The following ZC3HC1 variants were observed in gnomAD, a reference collection of about 807,000 sequenced individuals.
The protein encoded by ZC3HC1 is zinc finger C3HC-type containing 1.
In ZC3HC1, 38 loss-of-function variants were observed where a neutral mutation model predicts 61.9. That is an observed-to-expected ratio of 0.61 (90% CI 0.47 to 0.81). The LOEUF is 0.81. Among genes scored for constraint, ZC3HC1 ranks in the 30% least tolerant of loss-of-function variants. ZC3HC1 has a pLI of 0.00. For synonymous variants in ZC3HC1, 213 were observed against 229.9 expected, an observed-to-expected ratio of 0.93 and a Z score of 0.67; for missense variants, 554 against 622.7, an observed-to-expected ratio of 0.89 and a Z score of 1.17.
rs1159128983 is a variant in ZC3HC1 at position 130,022,542 on chromosome 7, A to C, written c.1234-17T>G. ...AGATGTGTCCTGAGGAAGGAGAAAA[A>C]GAAATAGCATTCATAGGTAGATGCT... is the stretch of plus-strand genomic sequence containing the variant. On this transcript the variant is annotated splice_polypyrimidine_tract_variant and intron_variant, in intron 8 of 9. Coordinates refer to ENST00000358303, the MANE Select transcript of ZC3HC1 (RefSeq NM_016478.5). 6.2e-7 allele frequency: 1 copy of C among 1,613,682 alleles called. No individual in the cohort carries two copies. The highest frequency in any genetic ancestry group is 8.5e-7 in the Non-Finnish European group (1 of 1,179,786).
intron 2 of ZC3HC1, chr7:130,045,412 C>CCTTTCACAGAGCTACCCATCAG (rs1387016479): frequency 1.1e-5 from 5 of 450,512 alleles, no homozygotes; most frequent in African/African-American, 6.0e-5. Flanking sequence ...AGTCTCTGCT[C>CCTTTCACAGAGCTACCCATCAG]CTTTCACAGA....
rs966982938 is a variant in ZC3HC1 at position 130,051,340 on chromosome 7, C to A, written c.27G>T (p.Ala9=). MAAPCEGQ[A]FAVGVEKNWG... is the part of the protein sequence containing the mutation. ...AATTCTTTTCAACCCCTACGGCAAA[C>A]GCTTGTCCCTCACAGGGCGCCGCCA... is the stretch of plus-strand genomic sequence containing the variant. Residue 9 remains alanine (A), a synonymous_variant, in exon 1 of 10, where the codon GCG becomes GCT. Transcript: ENST00000358303. The A allele has an allele frequency of 6.2e-7, 1 of 1,613,234 alleles. No individual in the cohort carries two copies. Among genetic ancestry groups the A allele is most frequent in the Admixed American group, 1.7e-5 (1 of 59,882 alleles).
chr7:130,032,050 A>C (rs984109792), intron 4 of ZC3HC1, among the ~76,000 whole-genome samples: 28 of 152,060 alleles, frequency 1.8e-4, no homozygotes, highest in African/African-American at 3.6e-4. Context: ...ATGGTGAAAC[A>C]CTGTCTCTAC....
rs1793483114 is a variant in ZC3HC1 at position 130,018,726 on chromosome 7, A to G, written c.1447T>C (p.Ser483Pro). The G allele has an allele frequency of 6.2e-7, 1 of 1,612,416 alleles. No individual in the cohort carries two copies. Among genetic ancestry groups the G allele is most frequent in the East Asian group, 2.2e-5 (1 of 44,816 alleles). The change falls in exon 10 of 10, where the codon TCT becomes CCT. Residue 483 changes from serine to proline, a missense_variant. Ser to Pro is a moderately conservative substitution (Grantham distance 74). Transcript: ENST00000358303. The stretch of plus-strand genomic sequence containing the variant: ...CGGAATACTTTCCTTGATTTCTCAG[A>G]GAGACTCTGTAGGTAGAAAAGCTTA... Reference protein sequence around the residue: ...QPAETDSMSLSEKSRKVFRIF... With the variant: ...QPAETDSMSLPEKSRKVFRIF...
At chr7:130,021,896 C>T (rs993548882) in intron 9 of ZC3HC1, among the ~76,000 whole-genome samples, 4 of 152,108 alleles carry the variant, frequency 2.6e-5, no homozygotes, top group African/African-American at 7.2e-5. Context: ...ACGTATAAGC[C>T]GGGCACGGTG....
At chr7:130,038,310 GT>G (rs1563081989) in intron 4 of ZC3HC1, among the ~76,000 whole-genome samples, 1 of 152,170 alleles carries the variant, frequency 6.6e-6, no homozygotes, top group Non-Finnish European at 1.5e-5. Flanking sequence ...CTGTGATAGT[GT>G]ACTGTTTTAC....
intron 2 of ZC3HC1, chr7:130,045,287 A>C (rs1794819025): frequency 4.4e-6 from 1 of 228,930 alleles, no homozygotes; most frequent in South Asian, 5.5e-5. Flanking sequence ...GTAATTTAAA[A>C]ATTTTTAAGA....
chr7:130,026,130 T>G, intron 6 of ZC3HC1, 28 bp downstream of exon 6: 3 of 1,606,562 alleles, frequency 1.9e-6, no homozygotes, highest in Non-Finnish European at 2.6e-6. Context: ...TCATGGTTCA[T>G]GTCTCCAGGC....
intron 4 of ZC3HC1, among the ~76,000 whole-genome samples, chr7:130,038,118 C>A (rs1394113119): frequency 2.6e-5 from 4 of 152,052 alleles, no homozygotes; most frequent in Admixed American, 2.6e-4. Flanking sequence ...TTTTAAAAAC[C>A]CAGTTGAGAT....
At chr7:130,041,768 C>T (rs1242026475) in intron 2 of ZC3HC1, among the ~76,000 whole-genome samples, 1 of 151,970 alleles carries the variant, frequency 6.6e-6, no homozygotes, top group Admixed American at 6.6e-5. Context: ...ACCTCGTGAT[C>T]CACCCACCTC....
intron 4 of ZC3HC1, among the ~76,000 whole-genome samples, chr7:130,031,681 C>T (rs1794201349): frequency 6.6e-6 from 1 of 152,208 alleles, no homozygotes; most frequent in South Asian, 2.1e-4. Context: ...TCCCTGGAAT[C>T]TAGAAGGACA....
chr7:130,020,998 A>C (rs1003843420), intron 9 of ZC3HC1, among the ~76,000 whole-genome samples: 1 of 152,064 alleles, frequency 6.6e-6, no homozygotes, highest in African/African-American at 2.4e-5. Flanking sequence ...CCTGGGTTCA[A>C]GTGATTCTCC....
intron 2 of ZC3HC1, among the ~76,000 whole-genome samples, chr7:130,044,533 A>G (rs1484523083): frequency 6.6e-6 from 1 of 152,198 alleles, no homozygotes; most frequent in Non-Finnish European, 1.5e-5. Flanking sequence ...GAACAACTGG[A>G]GTATCAAAAT....
At chr7:130,029,884 C>T (rs957447682) in intron 4 of ZC3HC1, among the ~76,000 whole-genome samples, 7 of 152,084 alleles carry the variant, frequency 4.6e-5, no homozygotes, top group African/African-American at 1.7e-4. Context: ...AAAGTCTACA[C>T]AAGAGATACA....
Position 130,043,764 on chromosome 7 carries a change from G to A in ZC3HC1, c.259-2663C>T, listed in dbSNP as rs1390797410. ...TGGTATGTAACAGGCATTCACTTGC[G>A]GGCAGCCAAGTGTGGAGTGCTAGGA... is the stretch of plus-strand genomic sequence containing the variant. On this transcript the variant is annotated intron_variant, in intron 2 of 9. Coordinates refer to ENST00000358303, the MANE Select transcript of ZC3HC1 (RefSeq NM_016478.5). 9 of 427,908 alleles carry A rather than the reference G, an allele frequency of 2.1e-5. No individual in the cohort carries two copies. In the East Asian group the frequency reaches 3.6e-4, roughly 17 times the overall value. The allele number at this position is 427,908 out of a possible 1,614,324, so 26.5% of individuals were successfully genotyped here. A position where few individuals can be genotyped will look rare whatever the true frequency, so the allele number is the denominator to read the frequency against.
intron 1 of ZC3HC1, among the ~76,000 whole-genome samples, chr7:130,049,671 A>G (rs6958775): frequency 0.29 from 44,310 of 151,246 alleles, 6,925 homozygotes; most frequent in African/African-American, 0.4. Flanking sequence ...CGGCCTCCCC[A>G]GTAGCTGGGA....
chr7:130,050,108 C>G (rs1374359278), intron 1 of ZC3HC1, among the ~76,000 whole-genome samples: 3 of 152,046 alleles, frequency 2.0e-5, no homozygotes, highest in Non-Finnish European at 4.4e-5. Context: ...GACGGAGTCT[C>G]ACTCTGTCAC....
intron 5 of ZC3HC1, 192 bp from the exon 6 acceptor site, chr7:130,026,504 C>T: frequency 2.1e-6 from 1 of 482,940 alleles, no homozygotes; most frequent in Non-Finnish European, 3.5e-6. Flanking sequence ...TCTGAATTGC[C>T]CTGAATCTGC....
At chr7:130,020,390 G>C (rs1793588297) in intron 9 of ZC3HC1, among the ~76,000 whole-genome samples, 1 of 151,052 alleles carries the variant, frequency 6.6e-6, no homozygotes, top group Non-Finnish European at 1.5e-5. Flanking sequence ...AGCCTCTGGA[G>C]TACTGGGATT....
Sources: allele counts gnomAD v4.1 joint callset (sites outside exome capture counted in the v4.1 genomes callset), GRCh38; gene constraint gnomAD v4.1.1; transcripts MANE v1.5; gene names NCBI Gene and HGNC (gene_info 2026-07-23, HGNC 2026-07-21).